The following GPANK1 variants were observed in gnomAD, a reference collection of about 807,000 sequenced individuals.
The protein encoded by GPANK1 is G-patch domain and ankyrin repeats 1.
A neutral mutation model predicts 24.0 loss-of-function variants in GPANK1; 22 were observed. The observed-to-expected ratio is 0.92, with a 90% CI of 0.66 to 1.31. The LOEUF (loss-of-function observed/expected upper bound fraction) is 1.31. Ranked by LOEUF, GPANK1 falls within the 50% of genes most tolerant of loss-of-function variation. The pLI is 0.00. For synonymous variants in GPANK1, 174 were observed against 177.4 expected (o/e 0.98, Z 0.15); for missense variants, 469 against 453.5 (o/e 1.03, Z -0.31).
upstream of GPANK1, chr6:31,665,963 T>C (rs1026667002): frequency 2.9e-6 from 3 of 1,027,200 alleles, no homozygotes; most frequent in African/African-American, 5.0e-5. Context: ...CTGGGATTGG[T>C]AGTTCGCTTT....
At position 31,662,313 on chromosome 6, in the gene GPANK1, T is replaced by C; in HGVS notation, c.1024A>G (p.Arg342Gly). 1 of 1,588,508 alleles carries C rather than the reference T, an allele frequency of 6.3e-7. No homozygotes were observed. The highest frequency in any genetic ancestry group is 8.6e-7 in the Non-Finnish European group (1 of 1,164,914). Reference sequence around the variant, plus strand: ...GTCCTTAGATCCCGCTCCCAAGCCCTGTCTTTCTCCTCCCTCCTTCTCTCC... The same window carrying C: ...GTCCTTAGATCCCGCTCCCAAGCCCCGTCTTTCTCCTCCCTCCTTCTCTCC... ...REERRREEKD[R>G]AWERDLRTYM... is the part of the protein sequence containing the mutation. Residue 342 changes from arginine to glycine, a missense_variant, in exon 3 of 3, where the codon AGG becomes GGG. Arg to Gly is a moderately radical substitution (Grantham distance 125). Coordinates refer to ENST00000375896, the MANE Select transcript of GPANK1 (RefSeq NM_033177.4). The surrounding 1 kb of genome is among the most constrained non-coding windows in gnomAD (Gnocchi z 5.5).
intron 1 of GPANK1, 50 bp downstream of exon 1, chr6:31,664,791 A>G (rs1205882823): frequency 2.5e-6 from 1 of 400,012 alleles, no homozygotes; most frequent in Non-Finnish European, 4.5e-6. Flanking sequence ...CTCACCAACA[A>G]TAAACACCAG....
chr6:31,664,536 C>A lies in GPANK1; in HGVS notation c.-58G>T. On this transcript the variant is annotated 5_prime_UTR_variant, in exon 2 of 3. Coordinates refer to ENST00000375896, the MANE Select transcript of GPANK1 (RefSeq NM_033177.4). ...GCAAGGGAAGGATGAGACAAGTAAGCCAAGCTCGTGGTGACCCTGTAGCAA... is the reference window on the plus strand; with the variant it reads ...GCAAGGGAAGGATGAGACAAGTAAGACAAGCTCGTGGTGACCCTGTAGCAA... 7.0e-7 allele frequency: 1 copy of A among 1,426,150 alleles called. No homozygotes were observed. Among genetic ancestry groups the A allele is most frequent in the Non-Finnish European group, 9.7e-7 (1 of 1,033,444 alleles). The allele number at this position is 1,426,150 out of a possible 1,614,324, so 88.3% of individuals were successfully genotyped here. A position where few individuals can be genotyped will look rare whatever the true frequency, so the allele number is the denominator to read the frequency against.
At position 31,664,131 on chromosome 6, in the gene GPANK1, G is replaced by C. The variant is rs1801291723; in HGVS notation, c.348C>G (p.Asp116Glu). 1 of 1,614,182 alleles carries C rather than the reference G, an allele frequency of 6.2e-7. No homozygotes were observed. The highest frequency in any genetic ancestry group is 8.5e-7 in the Non-Finnish European group (1 of 1,180,016). Reference sequence around the variant, plus strand: ...CCAGCAGTCTCCTAAGTTCTGGCAGGTCCCCCTCCTGGGCTGCCCTCAGTA... The same window carrying C: ...CCAGCAGTCTCCTAAGTTCTGGCAGCTCCCCCTCCTGGGCTGCCCTCAGTA... The part of the protein sequence containing the change: ...HRILRAAQEG[D>E]LPELRRLLEP... Residue 116 changes from aspartate to glutamate, a missense_variant, in exon 2 of 3, where the codon GAC (aspartate) becomes GAG (glutamate). Coordinates refer to ENST00000375896, the MANE Select transcript of GPANK1 (RefSeq NM_033177.4).
Position 31,662,688 on chromosome 6 carries a change from A to T in GPANK1, c.649T>A (p.Tyr217Asn), listed in dbSNP as rs1320633641. 1 of 1,600,412 alleles carries T rather than the reference A, an allele frequency of 6.2e-7. No individual in the cohort carries two copies. Among genetic ancestry groups the T allele is most frequent in the East Asian group, 2.2e-5 (1 of 44,600 alleles). The change falls in exon 3 of 3, where the codon TAC becomes AAC. Residue 217 changes from tyrosine (Y) to asparagine (N), a missense_variant. Coordinates refer to ENST00000375896, the MANE Select transcript of GPANK1 (RefSeq NM_033177.4). The surrounding 1 kb of genome is among the most constrained non-coding windows in gnomAD (Gnocchi z 5.5). ...ENRSPTPSLQ[Y>N]CENCDTHFQD... ...AAGTGGGTGTCACAGTTCTCGCAGT[A>T]CTGGAGGGAGGGAGTAGGAGACCTG...
rs746108373 is a variant in GPANK1, at chr6:31,662,329, C to A, written c.1008G>T (p.Arg336Ser). ...VATLSWREER[R>S]REEKDRAWER... The stretch of plus-strand genomic sequence containing the variant: ...CCCAAGCCCTGTCTTTCTCCTCCCT[C>A]CTTCTCTCCTCCCTCCAGCTCAGTG... Residue 336 changes from arginine (R) to serine (S), a missense_variant, in exon 3 of 3, where the codon AGG (arginine) becomes AGT (serine). Coordinates refer to ENST00000375896, the MANE Select transcript of GPANK1 (RefSeq NM_033177.4). This position sits in a 1 kb window ranked among gnomAD's most constrained non-coding sequence, Gnocchi z 5.5. 1 of 1,601,556 alleles carries A rather than the reference C, an allele frequency of 6.2e-7. No homozygotes were observed. The highest frequency in any genetic ancestry group is 1.1e-5 in the South Asian group (1 of 90,020).
At chr6:31,664,816 C>T (rs1437033716) in intron 1 of GPANK1, 25 bp downstream of exon 1, 1 of 351,188 alleles carries the variant, frequency 2.8e-6, no homozygotes, top group East Asian at 4.8e-5. Context: ...TTTCTGAAAC[C>T]ACTTTCCCAC....
rs1441998599 is a variant in GPANK1 at position 31,661,322 on chromosome 6, CT to C, written c.*943del. 6.6e-6 allele frequency: 1 copy of C among 152,210 alleles called. No individual in the cohort carries two copies. Among genetic ancestry groups the C allele is most frequent in the Non-Finnish European group, 1.5e-5 (1 of 68,052 alleles). 9.4% of individuals were successfully genotyped at this position (152,210 alleles called of 1,614,324 possible). ...ACAAGCTTGATAATCGTGGGCCTTC[CT>C]ATCACACTGGCCTCTTCCAGCAAAA... On this transcript the variant is annotated 3_prime_UTR_variant, in exon 3 of 3. Transcript: ENST00000375896.
chr6:31,664,372 T>C lies in GPANK1; in HGVS notation c.107A>G (p.Asp36Gly). The change falls in exon 2 of 3, where the codon GAT (aspartate) becomes GGT (glycine). Residue 36 changes from aspartate (D) to glycine (G), a missense_variant. By Grantham distance (94) the Asp-to-Gly change is moderately conservative. Transcript: ENST00000375896. ...PQPEKPESTL[D>G]GAAARAFYEA... ...ATAGAAAGCTCGGGCTGCAGCCCCATCCAGGGTGGACTCTGGCTTCTCGGG... is the reference window on the plus strand; with the variant it reads ...ATAGAAAGCTCGGGCTGCAGCCCCACCCAGGGTGGACTCTGGCTTCTCGGG... 2 of 1,614,144 alleles carry C rather than the reference T, an allele frequency of 1.2e-6. No individual in the cohort carries two copies. The highest frequency in any genetic ancestry group is 1.7e-6 in the Non-Finnish European group (2 of 1,179,984).
At chr6:31,665,722 C>T, upstream of GPANK1, 1 of 847,820 alleles carries the variant, frequency 1.2e-6, no homozygotes, top group South Asian at 1.8e-5. Context: ...CAGCGCCGCG[C>T]CGGGACTAGA....
At chr6:31,666,071 A>G (rs995856712), upstream of GPANK1, 2 of 949,266 alleles carry the variant, frequency 2.1e-6, no homozygotes, top group South Asian at 4.7e-5. Flanking sequence ...CCTCTTCCCC[A>G]CCCTCCCTAA....
In GPANK1 at chr6:31,662,225, T is replaced by C; in HGVS notation, c.*41A>G. On this transcript the variant is annotated 3_prime_UTR_variant, in exon 3 of 3. Transcript: ENST00000375896. The surrounding 1 kb of genome is among the most constrained non-coding windows in gnomAD (Gnocchi z 5.5). ...AAAGGGCCCAGGTCAGAGGCCCAAG[T>C]TCAGACTTCAGCAGCAGACTAGGGT... is the stretch of plus-strand genomic sequence containing the variant. The C allele has an allele frequency of 7.2e-7, 1 of 1,390,322 alleles. No homozygotes were observed. Among genetic ancestry groups the C allele is most frequent in the Non-Finnish European group, 9.8e-7 (1 of 1,023,254 alleles). The allele number at this position is 1,390,322 out of a possible 1,614,324, so 86.1% of individuals were successfully genotyped here. A position where few individuals can be genotyped will look rare whatever the true frequency, so the allele number is the denominator to read the frequency against.
chr6:31,664,825 A>C lies in GPANK1; in HGVS notation c.-100+16T>G. On this transcript the variant is annotated intron_variant, in intron 1 of 2. Coordinates refer to ENST00000375896, the MANE Select transcript of GPANK1 (RefSeq NM_033177.4). ...AGCCTCTTTCTGAAACCACTTTCCC[A>C]CCCCGTAAGACATACCAGTAGGAAA... 1 of 312,182 alleles carries C rather than the reference A, an allele frequency of 3.2e-6. No individual in the cohort carries two copies. The highest frequency in any genetic ancestry group is 5.9e-6 in the Non-Finnish European group (1 of 169,344). 19.3% of individuals were successfully genotyped at this position (312,182 alleles called of 1,614,324 possible). A position where few individuals can be genotyped will look rare whatever the true frequency, so the allele number is the denominator to read the frequency against.
At chr6:31,665,498 G>C (rs1475576734), upstream of GPANK1, 5 of 1,562,122 alleles carry the variant, frequency 3.2e-6, no homozygotes, top group African/African-American at 4.1e-5. Flanking sequence ...CCTCAGGTTA[G>C]CGCACTGGGA....
At position 31,661,638 on chromosome 6, in the gene GPANK1, T is replaced by G. The variant is rs1251753034; in HGVS notation, c.*628A>C. 6.5e-6 allele frequency: 1 copy of G among 154,814 alleles called. No homozygotes were observed. Among genetic ancestry groups the G allele is most frequent in the African/African-American group, 2.4e-5 (1 of 41,218 alleles). 9.6% of individuals were successfully genotyped at this position (154,814 alleles called of 1,614,324 possible). On this transcript the variant is annotated 3_prime_UTR_variant, in exon 3 of 3. Transcript: ENST00000375896. ...TCCCTTGAACTCGGGGGGCAGAGGT[T>G]GTGGTGAGCCGAGATCATGCCATTG...
At chr6:31,665,385 A>C (rs192407416), upstream of GPANK1, 315 of 1,443,784 alleles carry the variant, frequency 2.2e-4, no homozygotes, top group African/African-American at 4.1e-3. Flanking sequence ...AAATAACGTC[A>C]CGCCTGCCCC....
Position 31,664,315 on chromosome 6 carries a change from G to A in GPANK1, c.164C>T (p.Pro55Leu), listed in dbSNP as rs760042240. The stretch of plus-strand genomic sequence containing the variant: ...TTCAGTCTGAGATCTCTGGGAGTCA[G>A]GAGCGCTGCTCTCATCCCCAATCAG... ...EALIGDESSA[P>L]DSQRSQTEPA... is the part of the protein sequence containing the mutation. Residue 55 changes from proline (P) to leucine (L), a missense_variant, in exon 2 of 3, where the codon CCT (proline) becomes CTT (leucine). By Grantham distance (98) the Pro-to-Leu change is moderately conservative. Transcript: ENST00000375896. 3 of 1,614,164 alleles carry A rather than the reference G, an allele frequency of 1.9e-6. No homozygotes were observed. The highest frequency in any genetic ancestry group is 1.7e-6 in the Non-Finnish European group (2 of 1,180,018).
chr6:31,664,505 T>C lies in GPANK1; in HGVS notation c.-27A>G. On this transcript the variant is annotated 5_prime_UTR_variant, in exon 2 of 3. Coordinates refer to ENST00000375896, the MANE Select transcript of GPANK1 (RefSeq NM_033177.4). ...GCTTTTGGGAGAACTGAGAAAATGA[T>C]ACCAGGCAAGGGAAGGATGAGACAA... 1.3e-6 allele frequency: 2 copies of C among 1,567,716 alleles called. No homozygotes were observed. Among genetic ancestry groups the C allele is most frequent in the Non-Finnish European group, 1.7e-6 (2 of 1,147,402 alleles).
At chr6:31,665,289 C>G (rs1421466145), upstream of GPANK1, 1 of 702,972 alleles carries the variant, frequency 1.4e-6, no homozygotes, top group Non-Finnish European at 2.5e-6. Context: ...AGCCCATTTT[C>G]TGGAGCCAGG....
Sources: allele counts gnomAD v4.1 joint callset, GRCh38; gene constraint gnomAD v4.1.1; non-coding constraint Gnocchi (gnomAD v3.1); transcripts MANE v1.5; gene names NCBI Gene and HGNC (gene_info 2026-07-23, HGNC 2026-07-21).